FTO: variants seen among roughly 807,000 people sequenced by gnomAD.
FTO encodes FTO alpha-ketoglutarate dependent dioxygenase.
Under a neutral mutation model 63.9 loss-of-function variants are expected in FTO, and 47 were observed. That is an observed-to-expected ratio of 0.74 (90% CI 0.58 to 0.94). The LOEUF is 0.94. Ranked by LOEUF, FTO falls within the 40% of genes least tolerant of loss-of-function variation. FTO has a pLI of 0.00. For missense variants in FTO, 562 were observed against 618.1 expected, an observed-to-expected ratio of 0.91 and a Z score of 0.96; for synonymous variants, 207 against 224.4, an observed-to-expected ratio of 0.92 and a Z score of 0.69.
chr16:53,801,261 T>C (rs1390589752), intron 1 of FTO, among the ~76,000 whole-genome samples: 2 of 152,036 alleles, frequency 1.3e-5, no homozygotes, highest in Non-Finnish European at 2.9e-5. Context: ...ATGTTGGTTT[T>C]AGGGTTTCTG....
At chr16:53,758,093 C>T (rs2076964441) in intron 1 of FTO, among the ~76,000 whole-genome samples, 3 of 152,184 alleles carry the variant, frequency 2.0e-5, no homozygotes, top group Non-Finnish European at 2.9e-5. Context: ...GCTTTGCCCA[C>T]CTGCCAGATA....
At chr16:53,801,289 A>G (rs964255602) in intron 1 of FTO, among the ~76,000 whole-genome samples, 3 of 150,542 alleles carry the variant, frequency 2.0e-5, no homozygotes, top group Non-Finnish European at 4.4e-5. Context: ...TCTTTATCGT[A>G]TCGGAATCTT....
chr16:53,794,185 C>T lies in FTO; in HGVS notation c.46-15955C>T, dbSNP rs563061207. Reference sequence around the variant, plus strand: ...GAATCAGAAGTCTTAATAGTGCATACGTTTTGACCTAGTGAATCTCCTGCT... The same window carrying T: ...GAATCAGAAGTCTTAATAGTGCATATGTTTTGACCTAGTGAATCTCCTGCT... On this transcript the variant is annotated intron_variant, in intron 1 of 8. Coordinates refer to ENST00000471389, the MANE Select transcript of FTO (RefSeq NM_001080432.3). 6.6e-5 allele frequency among the ~76,000 whole-genome samples: 10 copies of T among 152,304 alleles called. No individual in the cohort carries two copies. The East Asian group carries it at 1.3e-3, about 21-fold the overall frequency.
intron 1 of FTO, among the ~76,000 whole-genome samples, chr16:53,732,272 C>G (rs1254040000): frequency 1.3e-5 from 2 of 151,284 alleles, no homozygotes; most frequent in Non-Finnish European, 2.9e-5. Context: ...AGCATGGTCT[C>G]GATCTCCTGA....
intron 1 of FTO, 61 bp from the exon 2 acceptor site, chr16:53,810,079 G>GACTCTCTT: frequency 1.8e-6 from 2 of 1,106,494 alleles, no homozygotes; most frequent in Non-Finnish European, 2.8e-6. Flanking sequence ...GGAAAAATAA[G>GACTCTCTT]AGAGTGTCTT....
At chr16:53,834,632 T>C (rs2079240021) in intron 3 of FTO, among the ~76,000 whole-genome samples, 1 of 152,226 alleles carries the variant, frequency 6.6e-6, no homozygotes, top group South Asian at 2.1e-4. Context: ...GTGTTATTTT[T>C]AGTTTTTATC....
At chr16:53,963,699 A>G (rs2083133867) in intron 8 of FTO, among the ~76,000 whole-genome samples, 1 of 152,208 alleles carries the variant, frequency 6.6e-6, no homozygotes, top group South Asian at 2.1e-4. Context: ...CCAGAAGCTG[A>G]GTGGATGCCA....
At chr16:53,817,385 C>T (rs1472518380) in intron 2 of FTO, among the ~76,000 whole-genome samples, 1 of 151,964 alleles carries the variant, frequency 6.6e-6, no homozygotes, top group Non-Finnish European at 1.5e-5. Flanking sequence ...CGGATGGCTG[C>T]CAAGTCGCAA....
chr16:54,020,733 A>G lies in FTO; in HGVS notation c.1364+86624A>G, dbSNP rs556856119. 8.5e-5 allele frequency among the ~76,000 whole-genome samples: 13 copies of G among 152,314 alleles called. No homozygotes were observed. In the East Asian group the frequency reaches 2.1e-3, roughly 25 times the overall value. ...ATGCCTGTAATCCCAGCACTTTGAA[A>G]GGCTGAGGCAGGCGGATTACTTGAG... On this transcript the variant is annotated intron_variant, in intron 8 of 8. Transcript: ENST00000471389.
intron 5 of FTO, among the ~76,000 whole-genome samples, chr16:53,877,368 G>T (rs545760495): frequency 1.2e-4 from 19 of 152,218 alleles, no homozygotes; most frequent in African/African-American, 4.6e-4. Context: ...GCATTGAAAT[G>T]GAATACAGTA....
Position 54,116,803 on chromosome 16 carries a change from T to C in FTO, c.*4888T>C, listed in dbSNP as rs570910642. 6.6e-6 allele frequency: 1 copy of C among 152,138 alleles called. No homozygotes were observed. Among genetic ancestry groups the C allele is most frequent in the East Asian group, 1.9e-4 (1 of 5,170 alleles). The allele number at this position is 152,138 out of a possible 1,614,324, so 9.4% of individuals were successfully genotyped here. A position where few individuals can be genotyped will look rare whatever the true frequency, so the allele number is the denominator to read the frequency against. ...CCAGGAAAGTATCTGAAGATCTGGT[T>C]CTCCATTCTCTCTTATTAACAAGGA... On this transcript the variant is annotated 3_prime_UTR_variant, in exon 9 of 9. Transcript: ENST00000471389.
chr16:53,817,128 T>G (rs2078715560), intron 2 of FTO, among the ~76,000 whole-genome samples: 1 of 152,228 alleles, frequency 6.6e-6, no homozygotes, highest in African/African-American at 2.4e-5. Context: ...CTTTATACAG[T>G]GCCTGGTACA....
chr16:54,106,256 C>G (rs2086748924), intron 8 of FTO, among the ~76,000 whole-genome samples: 1 of 151,898 alleles, frequency 6.6e-6, no homozygotes, highest in Non-Finnish European at 1.5e-5. Flanking sequence ...TGAGTTACAC[C>G]TTGGTCAGGA....
intron 1 of FTO, among the ~76,000 whole-genome samples, chr16:53,726,946 C>T (rs2076168611): frequency 6.6e-6 from 1 of 152,204 alleles, no homozygotes; most frequent in African/African-American, 2.4e-5. Flanking sequence ...CTCTGTGCAG[C>T]AGTCCATATT....
chr16:53,993,050 T>C (rs1393598919), intron 8 of FTO: 7 of 152,244 alleles, frequency 4.6e-5, no homozygotes, highest in African/African-American at 1.7e-4. Flanking sequence ...TTAACAGCCC[T>C]ATTCATTTAG....
At chr16:54,000,910 G>C (rs1448113273) in intron 8 of FTO, among the ~76,000 whole-genome samples, 9 of 152,158 alleles carry the variant, frequency 5.9e-5, no homozygotes, top group African/African-American at 2.2e-4. Context: ...TGTTTTCTGA[G>C]CTGGGACCTG....
intron 1 of FTO, among the ~76,000 whole-genome samples, chr16:53,755,858 G>A (rs1220870122): frequency 6.6e-6 from 1 of 152,260 alleles, no homozygotes; most frequent in Non-Finnish European, 1.5e-5. Flanking sequence ...TCTTGAAGGT[G>A]AAGCCCAAGC....
At chr16:53,804,114 A>C (rs1287659403) in intron 1 of FTO, among the ~76,000 whole-genome samples, 5 of 152,240 alleles carry the variant, frequency 3.3e-5, no homozygotes, top group African/African-American at 1.2e-4. Context: ...TATCATTTAC[A>C]TCTCACAGGG....
At chr16:54,061,980 G>A (rs2085588040) in intron 8 of FTO, among the ~76,000 whole-genome samples, 1 of 152,142 alleles carries the variant, frequency 6.6e-6, no homozygotes, top group African/African-American at 2.4e-5. Flanking sequence ...TGTGTCCCTT[G>A]ATGCCTTTAT....
Sources: gnomAD v4.1 joint callset for allele counts (sites outside exome capture counted in the v4.1 genomes callset) on GRCh38, gnomAD v4.1.1 for gene constraint, MANE v1.5 for transcripts, NCBI Gene and HGNC (gene_info 2026-07-23, HGNC 2026-07-21) for gene names.